The following BMP6 variants were observed in gnomAD, a reference collection of about 807,000 sequenced individuals.
BMP6 encodes the protein VG-1-R.
Under a neutral mutation model 54.1 loss-of-function variants are expected in BMP6, and 17 were observed. That is an observed-to-expected ratio of 0.31 (90% CI 0.22 to 0.47). The LOEUF is 0.47. BMP6 is among the 20% of genes least tolerant of loss of function. BMP6 has a pLI of 1.00. For missense variants in BMP6, 720 were observed against 690.4 expected, an observed-to-expected ratio of 1.04 and a Z score of -0.48; for synonymous variants, 328 against 291.2, an observed-to-expected ratio of 1.13 and a Z score of -1.28.
At chr6:7,846,090 C>T (rs1759057216) in intron 2 of BMP6, among the ~76,000 whole-genome samples, 1 of 152,130 alleles carries the variant, frequency 6.6e-6, no homozygotes, top group African/African-American at 2.4e-5. Flanking sequence ...AGAATCAAGG[C>T]CTTTATGCAT....
At chr6:7,764,678 G>A (rs1486006816) in intron 1 of BMP6, among the ~76,000 whole-genome samples, 2 of 152,080 alleles carry the variant, frequency 1.3e-5, no homozygotes, top group Non-Finnish European at 2.9e-5. Context: ...GCAGGGTCTC[G>A]CTATGTTGCC....
intron 4 of BMP6, among the ~76,000 whole-genome samples, chr6:7,875,090 G>T (rs1581293582): frequency 6.6e-6 from 1 of 152,138 alleles, no homozygotes; most frequent in Admixed American, 6.5e-5. Flanking sequence ...TGAGCCAGTG[G>T]TGTAAGTCCT....
intron 1 of BMP6, among the ~76,000 whole-genome samples, chr6:7,757,443 T>C (rs1004946075): frequency 6.6e-6 from 1 of 152,200 alleles, no homozygotes; most frequent in African/African-American, 2.4e-5. Context: ...TGCCTGCTTA[T>C]GTGTCTCTTT....
intron 4 of BMP6, among the ~76,000 whole-genome samples, chr6:7,877,935 C>T (rs1372677199): frequency 6.6e-6 from 1 of 152,230 alleles, no homozygotes; most frequent in Admixed American, 6.5e-5. Flanking sequence ...AAATGCTGCT[C>T]TGCAGCTCAG....
At chr6:7,767,323 AAGAT>A (rs1294546236) in intron 1 of BMP6, among the ~76,000 whole-genome samples, 1 of 152,166 alleles carries the variant, frequency 6.6e-6, no homozygotes, top group Admixed American at 6.5e-5. Context: ...CTTTTTATAA[AAGAT>A]AGCAACAATC....
intron 2 of BMP6, among the ~76,000 whole-genome samples, chr6:7,849,136 A>T (rs750308252): frequency 1.6e-4 from 24 of 152,194 alleles, no homozygotes; most frequent in Non-Finnish European, 3.1e-4. Flanking sequence ...CTTATGACAC[A>T]TCCTCACACC....
rs1051299055 is a variant in BMP6 at position 7,856,364 on chromosome 6, A to G, written c.858-5087A>G. Among the ~76,000 whole-genome samples, 5 of 151,990 alleles carry G rather than the reference A, an allele frequency of 3.3e-5. No homozygotes were observed. The East Asian group carries it at 7.7e-4, about 23-fold the overall frequency. ...GACTCCTTAATTTTCTAAAATGAAAATGGATTTTTTTTACTTTCATTCTAT... is the reference window on the plus strand; with the variant it reads ...GACTCCTTAATTTTCTAAAATGAAAGTGGATTTTTTTTACTTTCATTCTAT... On this transcript the variant is annotated intron_variant, in intron 2 of 6. Coordinates refer to ENST00000283147, the MANE Select transcript of BMP6 (RefSeq NM_001718.6).
At chr6:7,741,365 AG>A (rs1349563403) in intron 1 of BMP6, among the ~76,000 whole-genome samples, 1 of 152,120 alleles carries the variant, frequency 6.6e-6, no homozygotes, top group African/African-American at 2.4e-5. Flanking sequence ...GTGCGATTAT[AG>A]GTCACTGCAA....
chr6:7,833,800 G>A (rs571666811), intron 1 of BMP6, among the ~76,000 whole-genome samples: 5 of 152,182 alleles, frequency 3.3e-5, no homozygotes, highest in Admixed American at 6.5e-5. Flanking sequence ...TTAGGAGTGA[G>A]AGGAATGTGT....
At chr6:7,747,093 G>T (rs1321932170) in intron 1 of BMP6, among the ~76,000 whole-genome samples, 3 of 152,164 alleles carry the variant, frequency 2.0e-5, no homozygotes, top group Admixed American at 6.5e-5. Context: ...AGGACAATCC[G>T]CAAAACTTCA....
chr6:7,857,391 G>A (rs569027728), intron 2 of BMP6, among the ~76,000 whole-genome samples: 11 of 152,302 alleles, frequency 7.2e-5, no homozygotes, highest in African/African-American at 2.2e-4. Flanking sequence ...GATTGGAAGC[G>A]TATTCATCAT....
chr6:7,764,717 G>C lies in BMP6; in HGVS notation c.664+37098G>C, dbSNP rs183121081. ...GCCGGATTCAAACTCTTGGACTCAAGACGTCCTCCCATCTCAGCCTCTGGA... is the reference window on the plus strand; with the variant it reads ...GCCGGATTCAAACTCTTGGACTCAACACGTCCTCCCATCTCAGCCTCTGGA... On this transcript the variant is annotated intron_variant, in intron 1 of 6. Coordinates refer to ENST00000283147, the MANE Select transcript of BMP6 (RefSeq NM_001718.6). Among the ~76,000 whole-genome samples, 141 of 152,278 alleles carry C rather than the reference G, an allele frequency of 9.3e-4. 1 individual carries two copies. The highest frequency in any genetic ancestry group is 7.1e-3 in the South Asian group (34 of 4,820).
At chr6:7,780,503 C>T (rs902830331) in intron 1 of BMP6, among the ~76,000 whole-genome samples, 10 of 151,564 alleles carry the variant, frequency 6.6e-5, no homozygotes, top group Admixed American at 2.6e-4. Flanking sequence ...GAGCCGAGAT[C>T]GCGCCATTGC....
At chr6:7,790,306 G>A (rs373789503) in intron 1 of BMP6, among the ~76,000 whole-genome samples, 5 of 151,856 alleles carry the variant, frequency 3.3e-5, no homozygotes, top group African/African-American at 1.2e-4. Flanking sequence ...CTTTAGTCCG[G>A]GAGTTTGAGA....
intron 4 of BMP6, among the ~76,000 whole-genome samples, chr6:7,876,944 T>A (rs914742075): frequency 2.6e-5 from 4 of 152,190 alleles, no homozygotes; most frequent in African/African-American, 4.8e-5. Context: ...TTGGTATTCT[T>A]CCTTTAGAGC....
At chr6:7,743,254 T>C (rs1561757068) in intron 1 of BMP6, among the ~76,000 whole-genome samples, 1 of 152,240 alleles carries the variant, frequency 6.6e-6, no homozygotes, top group East Asian at 1.9e-4. Flanking sequence ...TATTGCTGTT[T>C]TGCTTTTTAT....
intron 1 of BMP6, among the ~76,000 whole-genome samples, chr6:7,833,662 T>C (rs1261471149): frequency 6.6e-6 from 1 of 152,228 alleles, no homozygotes; most frequent in East Asian, 1.9e-4. Context: ...AGATTCCTGT[T>C]GATTTGATGG....
intron 4 of BMP6, among the ~76,000 whole-genome samples, chr6:7,874,990 A>C (rs1461358680): frequency 6.6e-6 from 1 of 152,194 alleles, no homozygotes; most frequent in African/African-American, 2.4e-5. Flanking sequence ...ACGGAGGCCA[A>C]GAAGTCACAT....
At chr6:7,739,791 C>T (rs1762015256) in intron 1 of BMP6, among the ~76,000 whole-genome samples, 1 of 152,178 alleles carries the variant, frequency 6.6e-6, no homozygotes, top group Non-Finnish European at 1.5e-5. Flanking sequence ...TCGTTGAAGG[C>T]AGCTAATGAC....
Sources: gnomAD v4.1 joint callset for allele counts (sites outside exome capture counted in the v4.1 genomes callset) on GRCh38, gnomAD v4.1.1 for gene constraint, MANE v1.5 for transcripts, NCBI Gene and HGNC (gene_info 2026-07-23, HGNC 2026-07-21) for gene names.